SLC44A5: variants seen among roughly 807,000 people sequenced by gnomAD.
SLC44A5 encodes choline transporter-like protein 5.
Under a neutral mutation model 101.8 loss-of-function variants are expected in SLC44A5, and 57 were observed. The observed-to-expected ratio is 0.56, with a 90% CI of 0.45 to 0.70. The LOEUF (loss-of-function observed/expected upper bound fraction) is 0.70, where lower values mean the gene tolerates loss of function less well. SLC44A5 is among the 30% of genes least tolerant of loss of function. SLC44A5 has a pLI of 0.00. For missense variants in SLC44A5, 737 were observed against 853.1 expected, an observed-to-expected ratio of 0.86 and a Z score of 1.70; for synonymous variants, 281 against 290.9, an observed-to-expected ratio of 0.97 and a Z score of 0.35.
rs540825085 is a variant in SLC44A5, at chr1:75,273,394, C to A, written c.260+1564G>T. 6.4e-4 allele frequency among the ~76,000 whole-genome samples: 97 copies of A among 152,226 alleles called. 1 individual carries two copies. Among genetic ancestry groups the A allele is most frequent in the African/African-American group, 2.2e-3 (90 of 41,550 alleles). Reference sequence around the variant, plus strand: ...TTCTTTTTTTGTCTGGTTGCTCTGACTAGGACTTCCAGTGCTATGTTGAAT... The same window carrying A: ...TTCTTTTTTTGTCTGGTTGCTCTGAATAGGACTTCCAGTGCTATGTTGAAT... On this transcript the variant is annotated intron_variant, in intron 6 of 23. Transcript: ENST00000370859.
At chr1:75,349,905 T>A (rs1337346859) in intron 3 of SLC44A5, among the ~76,000 whole-genome samples, 4 of 152,076 alleles carry the variant, frequency 2.6e-5, no homozygotes, top group African/African-American at 7.2e-5. Context: ...ACTTCCAGAC[T>A]AGTAGAGGAA....
At chr1:75,479,544 T>C (rs1399768738) in intron 2 of SLC44A5, among the ~76,000 whole-genome samples, 4 of 152,038 alleles carry the variant, frequency 2.6e-5, no homozygotes, top group South Asian at 2.1e-4. Flanking sequence ...ATCAAATAGA[T>C]GCAATAAAAA....
chr1:75,705,372 C>G, the SLC44A5 span, among the ~76,000 whole-genome samples: 144 of 152,236 alleles, frequency 9.5e-4, 1 homozygote, highest in Admixed American at 2.0e-3. Context: ...ATAAGACTCA[C>G]CTATTTCTTG....
rs763360129 is a variant in SLC44A5 at position 75,238,667 on chromosome 1, A to C, written c.533-31T>G. 2.4e-5 allele frequency: 34 copies of C among 1,423,526 alleles called. No individual in the cohort carries two copies. The Middle Eastern group carries it at 7.2e-4, about 30-fold the overall frequency. 88.2% of individuals were successfully genotyped at this position (1,423,526 alleles called of 1,614,324 possible). ...AAAATAAATTAAAATTATTGTAATCACTTTTCTATTTCTTCTTTAATGATG... is the reference window on the plus strand; with the variant it reads ...AAAATAAATTAAAATTATTGTAATCCCTTTTCTATTTCTTCTTTAATGATG... On this transcript the variant is annotated intron_variant, in intron 9 of 23. Transcript: ENST00000370859.
Position 75,238,726 on chromosome 1 carries a change from T to C in SLC44A5, c.533-90A>G, listed in dbSNP as rs548236207. On this transcript the variant is annotated intron_variant, in intron 9 of 23. Coordinates refer to ENST00000370859, the MANE Select transcript of SLC44A5 (RefSeq NM_001130058.2). ...TTCTTAAGCTTTCTGTTATATATAA[T>C]CAAATTCTTGCTAGGCATGCAAATT... 7.0e-6 allele frequency: 6 copies of C among 859,164 alleles called. No homozygotes were observed. In the South Asian group the frequency reaches 1.5e-4, roughly 22 times the overall value. 53.2% of individuals were successfully genotyped at this position (859,164 alleles called of 1,614,324 possible). A position where few individuals can be genotyped will look rare whatever the true frequency, so the allele number is the denominator to read the frequency against.
rs538837514 is a variant in SLC44A5, at chr1:75,275,076, G to A, written c.176-34C>T. 1.4e-4 allele frequency: 214 copies of A among 1,553,992 alleles called. 2 individuals are homozygous for A. The South Asian group carries it at 2.3e-3, about 17-fold the overall frequency. ...ACAAGAAAGGACAAATATGCTATCAGCAAAAGCCAGCTAAAGGCAGTTTGA... is the reference window on the plus strand; with the variant it reads ...ACAAGAAAGGACAAATATGCTATCAACAAAAGCCAGCTAAAGGCAGTTTGA... On this transcript the variant is annotated intron_variant, in intron 5 of 23. Coordinates refer to ENST00000370859, the MANE Select transcript of SLC44A5 (RefSeq NM_001130058.2).
At chr1:75,335,183 A>G (rs1657348614) in intron 4 of SLC44A5, among the ~76,000 whole-genome samples, 1 of 152,236 alleles carries the variant, frequency 6.6e-6, no homozygotes, top group Non-Finnish European at 1.5e-5. Flanking sequence ...AAATGCTTGA[A>G]TAAACTCTCT....
chr1:75,443,977 T>C (rs1665355885), intron 2 of SLC44A5, among the ~76,000 whole-genome samples: 1 of 152,058 alleles, frequency 6.6e-6, no homozygotes. Context: ...CAATTATACA[T>C]ATGGCATCAT....
chr1:75,269,214 C>T (rs2100724512), intron 6 of SLC44A5, among the ~76,000 whole-genome samples: 1 of 151,918 alleles, frequency 6.6e-6, no homozygotes, highest in East Asian at 1.9e-4. Context: ...TCATTATTGG[C>T]CATTATATTA....
chr1:75,425,415 G>A (rs1321060766), intron 2 of SLC44A5, among the ~76,000 whole-genome samples: 1 of 152,224 alleles, frequency 6.6e-6, no homozygotes, highest in Admixed American at 6.5e-5. Context: ...AGTGGCAGAT[G>A]GTCGATAAAG....
chr1:75,616,589 C>A, the SLC44A5 span, among the ~76,000 whole-genome samples: 1 of 152,218 alleles, frequency 6.6e-6, no homozygotes, highest in Non-Finnish European at 1.5e-5. Context: ...AGGAGCCGTC[C>A]TCCTCCACAG....
At chr1:75,271,144 G>A (rs922977850) in intron 6 of SLC44A5, among the ~76,000 whole-genome samples, 1 of 151,980 alleles carries the variant, frequency 6.6e-6, no homozygotes. Context: ...GAGTCAACTA[G>A]TCCCCTATAA....
chr1:75,705,649 T>A, the SLC44A5 span, among the ~76,000 whole-genome samples: 3 of 152,164 alleles, frequency 2.0e-5, no homozygotes, highest in Admixed American at 1.3e-4. Context: ...TAGAGGTATA[T>A]CTATTTTATT....
intron 1 of SLC44A5, chr1:75,582,531 G>T: frequency 1.8e-6 from 1 of 544,574 alleles, no homozygotes; most frequent in Non-Finnish European, 3.3e-6. Context: ...GCTCCCAAAG[G>T]CGCCCAGGCC....
intron 2 of SLC44A5, among the ~76,000 whole-genome samples, chr1:75,533,534 T>C (rs1489331505): frequency 6.6e-6 from 1 of 152,134 alleles, no homozygotes; most frequent in Non-Finnish European, 1.5e-5. Flanking sequence ...TATACCTGAT[T>C]ACAAAACTTA....
At chr1:75,227,679 T>C in intron 13 of SLC44A5, 47 bp downstream of exon 13, 1 of 1,472,542 alleles carries the variant, frequency 6.8e-7, no homozygotes, top group East Asian at 2.5e-5. Flanking sequence ...AAAAAGATAT[T>C]TTCTCATTAT....
chr1:75,384,682 G>C (rs1263036897), intron 3 of SLC44A5, among the ~76,000 whole-genome samples: 1 of 121,720 alleles, frequency 8.2e-6, no homozygotes, highest in African/African-American at 3.2e-5. Context: ...CCCAGGAATT[G>C]AACTCAGCTC....
At chr1:75,605,804 G>A (rs1445568116) in intron 1 of SLC44A5, among the ~76,000 whole-genome samples, 1 of 152,000 alleles carries the variant, frequency 6.6e-6, no homozygotes. Context: ...CAGAACAATG[G>A]GATAGGGAAA....
At chr1:75,518,580 G>GA (rs889617703) in intron 2 of SLC44A5, among the ~76,000 whole-genome samples, 1 of 151,990 alleles carries the variant, frequency 6.6e-6, no homozygotes, top group Non-Finnish European at 1.5e-5. Context: ...CAAATAAATA[G>GA]AAAAAAATCT....
Sources: allele counts gnomAD v4.1 joint callset (sites outside exome capture counted in the v4.1 genomes callset), GRCh38; gene constraint gnomAD v4.1.1; transcripts MANE v1.5; gene names NCBI Gene and HGNC (gene_info 2026-07-23, HGNC 2026-07-21).